Variants in KCNC2 observed in about 807,000 individuals in gnomAD.
KCNC2 encodes voltage-gated potassium channel KCNC2.
In KCNC2, 21 loss-of-function variants were observed where a neutral mutation model predicts 44.5. The observed-to-expected ratio is 0.47, with a 90% CI of 0.33 to 0.68. The LOEUF (loss-of-function observed/expected upper bound fraction) is 0.68. Among genes scored for constraint, KCNC2 ranks in the 30% least tolerant of loss-of-function variants. KCNC2 has a pLI of 0.01. For missense variants in KCNC2, 589 were observed against 826.2 expected (o/e 0.71, Z 3.52); for synonymous variants, 391 against 339.1 (o/e 1.15, Z -1.68).
At position 75,042,793 on chromosome 12, in the gene KCNC2, A is replaced by G. The variant is rs761984124; in HGVS notation, c.*312T>C. On this transcript the variant is annotated 3_prime_UTR_variant, in exon 5 of 5. Coordinates refer to ENST00000549446, the MANE Select transcript of KCNC2 (RefSeq NM_139137.4). The stretch of plus-strand genomic sequence containing the variant: ...CATTTGGAAGCACACTGTTTTAAAT[A>G]TATCTCCCTGAAGGTATGTTTATAT... 1,070 of 1,177,768 alleles carry G rather than the reference A, an allele frequency of 9.1e-4. No individual in the cohort carries two copies. The highest frequency in any genetic ancestry group is 2.1e-3 in the Admixed American group (50 of 23,508). 73.0% of individuals were successfully genotyped at this position (1,177,768 alleles called of 1,614,324 possible).
At chr12:75,151,952 A>AATATATT (rs911356170) in intron 2 of KCNC2, among the ~76,000 whole-genome samples, 1 of 146,404 alleles carries the variant, frequency 6.8e-6, no homozygotes, top group African/African-American at 2.5e-5. Context: ...ATTTATATAT[A>AATATATT]ATATATTATA....
At chr12:75,054,002 C>T (rs1004160229) in intron 2 of KCNC2, among the ~76,000 whole-genome samples, 4 of 151,200 alleles carry the variant, frequency 2.6e-5, no homozygotes, top group Admixed American at 1.3e-4. Flanking sequence ...GTGGATGGGT[C>T]GCTTGAGGTC....
chr12:75,167,565 A>G (rs1366499704), intron 2 of KCNC2, among the ~76,000 whole-genome samples: 1 of 151,366 alleles, frequency 6.6e-6, no homozygotes, highest in Non-Finnish European at 1.5e-5. Context: ...TTGGAATTTA[A>G]TGTTTATAAA....
chr12:75,188,823 C>A (rs1367150779), intron 2 of KCNC2, among the ~76,000 whole-genome samples: 3 of 151,720 alleles, frequency 2.0e-5, no homozygotes, highest in Non-Finnish European at 4.4e-5. Context: ...CATGCCACTG[C>A]ACTCACTGCA....
chr12:75,055,507 C>A (rs1250019035), intron 2 of KCNC2, among the ~76,000 whole-genome samples: 5 of 151,994 alleles, frequency 3.3e-5, no homozygotes, highest in African/African-American at 1.2e-4. Context: ...CTCCTCCAGA[C>A]ATTAATTAAA....
intron 2 of KCNC2, among the ~76,000 whole-genome samples, chr12:75,125,764 C>T (rs1446269606): frequency 6.6e-6 from 1 of 152,068 alleles, no homozygotes; most frequent in African/African-American, 2.4e-5. Context: ...TTTTGGATTC[C>T]CTTTTCTTTT....
chr12:75,185,021 A>G (rs1339396272), intron 2 of KCNC2, among the ~76,000 whole-genome samples: 5 of 152,362 alleles, frequency 3.3e-5, no homozygotes, highest in Middle Eastern at 6.8e-3. Context: ...AGAAGCATAA[A>G]GCCGGAAGAA....
At chr12:75,174,532 T>C (rs150706748) in intron 2 of KCNC2, among the ~76,000 whole-genome samples, 17 of 152,076 alleles carry the variant, frequency 1.1e-4, no homozygotes, top group Admixed American at 7.9e-4. Flanking sequence ...TCATATTATA[T>C]AGTCTGAAAA....
At chr12:75,099,644 T>C (rs1302863353) in intron 2 of KCNC2, among the ~76,000 whole-genome samples, 1 of 152,222 alleles carries the variant, frequency 6.6e-6, no homozygotes, top group Non-Finnish European at 1.5e-5. Flanking sequence ...TATTGAATGA[T>C]CAATCATTTG....
At chr12:75,043,535 AT>A in intron 4 of KCNC2, 1 of 1,219,584 alleles carries the variant, frequency 8.2e-7, no homozygotes, top group Non-Finnish European at 1.0e-6. Context: ...ACTAGAACTC[AT>A]TTAAAAATTA....
chr12:75,094,251 A>G (rs1174884717), intron 2 of KCNC2, among the ~76,000 whole-genome samples: 1 of 151,690 alleles, frequency 6.6e-6, no homozygotes, highest in Admixed American at 6.6e-5. Context: ...ATAAAAAGTC[A>G]CCTGCTGCCC....
Position 75,042,282 on chromosome 12 carries a change from T to G in KCNC2, c.*823A>C. On this transcript the variant is annotated 3_prime_UTR_variant, in exon 5 of 5. Coordinates refer to ENST00000549446, the MANE Select transcript of KCNC2 (RefSeq NM_139137.4). ...ATGCAAGCCTGGCTGGCAGTTACCT[T>G]TCTCTCATGTTTTGTGCCTTCCCCA... 5 of 1,609,928 alleles carry G rather than the reference T, an allele frequency of 3.1e-6. 1 individual carries two copies. The South Asian group carries it at 5.5e-5, about 18-fold the overall frequency.
chr12:75,080,401 A>C (rs1258537755), intron 2 of KCNC2, among the ~76,000 whole-genome samples: 1 of 152,112 alleles, frequency 6.6e-6, no homozygotes, highest in Non-Finnish European at 1.5e-5. Context: ...AAAAAGTATA[A>C]AAAGAAGGAG....
intron 2 of KCNC2, among the ~76,000 whole-genome samples, chr12:75,156,641 G>C (rs1362854922): frequency 6.6e-6 from 1 of 151,712 alleles, no homozygotes; most frequent in African/African-American, 2.4e-5. Flanking sequence ...ACCGTTGAAA[G>C]TTTATTGCAA....
At chr12:75,172,081 A>G (rs34050059) in intron 2 of KCNC2, among the ~76,000 whole-genome samples, 3,162 of 151,896 alleles carry the variant, frequency 0.021, 43 homozygotes, top group South Asian at 0.046. Flanking sequence ...AGGATGTCAC[A>G]TTGCTCAAAT....
At chr12:75,201,262 G>GAAAAAAAAAAAAAAAAAA (rs1313998973) in intron 2 of KCNC2, among the ~76,000 whole-genome samples, 1 of 18,466 alleles carries the variant, frequency 5.4e-5, no homozygotes, top group Non-Finnish European at 1.0e-4. Context: ...AACGAAATTG[G>GAAAAAAAAAAAAAAAAAA]AAAAAAAAAA....
intron 2 of KCNC2, among the ~76,000 whole-genome samples, chr12:75,203,537 T>C (rs940044781): frequency 6.6e-6 from 1 of 151,920 alleles, no homozygotes; most frequent in African/African-American, 2.4e-5. Flanking sequence ...CAGGGGAATG[T>C]ATGTGAAAGA....
chr12:75,081,263 T>C (rs1355370241), intron 2 of KCNC2, among the ~76,000 whole-genome samples: 1 of 152,074 alleles, frequency 6.6e-6, no homozygotes, highest in Non-Finnish European at 1.5e-5. Context: ...ATCAAAAAAT[T>C]GTAATACTCA....
chr12:75,126,950 G>A (rs995665790), intron 2 of KCNC2, among the ~76,000 whole-genome samples: 13 of 152,170 alleles, frequency 8.5e-5, no homozygotes, highest in African/African-American at 9.6e-5. Context: ...AAAAACTTAC[G>A]TATAATAATC....
Sources: gnomAD v4.1 joint callset for allele counts (sites outside exome capture counted in the v4.1 genomes callset) on GRCh38, gnomAD v4.1.1 for gene constraint, MANE v1.5 for transcripts, NCBI Gene and HGNC (gene_info 2026-07-23, HGNC 2026-07-21) for gene names.